The following COL11A1 variants were observed in gnomAD, a reference collection of about 807,000 sequenced individuals.
COL11A1 encodes collagen type XI alpha 1 chain.
A neutral mutation model predicts 265.2 loss-of-function variants in COL11A1; 74 were observed. That is an observed-to-expected ratio of 0.28 (90% CI 0.23 to 0.34). The LOEUF (loss-of-function observed/expected upper bound fraction) is 0.34, where lower values mean the gene tolerates loss of function less well. Ranked by LOEUF, COL11A1 falls within the 10% of genes least tolerant of loss-of-function variation. The pLI is 1.00. For synonymous variants in COL11A1, 816 were observed against 727.6 expected (o/e 1.12, Z -1.96); for missense variants, 2,165 against 2,263.6 (o/e 0.96, Z 0.88).
chr1:102,920,186 T>C (rs907657841), intron 49 of COL11A1, 125 bp downstream of exon 49: 5 of 920,446 alleles, frequency 5.4e-6, no homozygotes, highest in Non-Finnish European at 7.2e-6. Flanking sequence ...CTAGATGACA[T>C]GTGAATCATA....
intron 4 of COL11A1, among the ~76,000 whole-genome samples, chr1:103,043,681 G>A (rs1391946721): frequency 6.6e-6 from 1 of 152,104 alleles, no homozygotes; most frequent in South Asian, 2.1e-4. Context: ...AAACTGTAAA[G>A]TATATACAAA....
chr1:102,995,903 T>A lies in COL11A1; in HGVS notation c.2301A>T (p.Ala767=). Residue 767 remains alanine, a synonymous_variant, in exon 28 of 67, where the codon GCA becomes GCT. Coordinates refer to ENST00000370096, the MANE Select transcript of COL11A1 (RefSeq NM_001854.4). ...ATCCCTTGAGACCTCTGACACCATC[T>A]GCTCCCTGTGGAATAAATTAGAAGT... ...GYPGPRGVKG[A]DGVRGLKGSK... 6.2e-7 allele frequency: 1 copy of A among 1,612,002 alleles called. No individual in the cohort carries two copies.
chr1:103,046,126 A>G (rs1006374460), intron 4 of COL11A1, among the ~76,000 whole-genome samples: 18 of 151,630 alleles, frequency 1.2e-4, no homozygotes, highest in African/African-American at 3.2e-4. Flanking sequence ...TCCTTTAGGT[A>G]TACACCCACT....
intron 57 of COL11A1, 24 bp downstream of exon 57, chr1:102,898,101 A>T: frequency 6.6e-7 from 1 of 1,520,820 alleles, no homozygotes; most frequent in South Asian, 1.2e-5. Flanking sequence ...TCACTTTTTA[A>T]ATGACTGAAA....
chr1:103,079,509 T>C (rs961246926), intron 2 of COL11A1, among the ~76,000 whole-genome samples: 3 of 152,028 alleles, frequency 2.0e-5, no homozygotes, highest in Non-Finnish European at 4.4e-5. Flanking sequence ...ATATCTAGCA[T>C]ACAGTCTGAT....
chr1:102,944,997 G>T (rs1403587837), intron 42 of COL11A1, among the ~76,000 whole-genome samples: 2 of 152,052 alleles, frequency 1.3e-5, no homozygotes, highest in African/African-American at 4.8e-5. Flanking sequence ...ATCCACAGGT[G>T]GCATGGCCCA....
intron 4 of COL11A1, among the ~76,000 whole-genome samples, chr1:103,046,259 T>A (rs12048863): frequency 1.3e-4 from 6 of 44,510 alleles, no homozygotes; most frequent in South Asian, 1.5e-3. Context: ...TTCCTATTTC[T>A]CCACATCCTC....
At chr1:103,048,730 G>T (rs966490202) in intron 4 of COL11A1, among the ~76,000 whole-genome samples, 6 of 152,058 alleles carry the variant, frequency 3.9e-5, no homozygotes, top group African/African-American at 1.2e-4. Context: ...TCTCTTGTGG[G>T]CTTTTAGTGC....
At chr1:103,026,111 A>C in intron 6 of COL11A1, 105 bp downstream of exon 6, 2 of 1,189,220 alleles carry the variant, frequency 1.7e-6, no homozygotes, top group Non-Finnish European at 2.5e-6. Context: ...CAGAGAAATA[A>C]GATGAATGAA....
At chr1:103,045,403 T>G (rs539978084) in intron 4 of COL11A1, among the ~76,000 whole-genome samples, 38 of 152,178 alleles carry the variant, frequency 2.5e-4, no homozygotes, top group South Asian at 2.5e-3. Flanking sequence ...AAAGATCAAT[T>G]AAAGGCTCTT....
At chr1:102,946,410 G>A (rs1570819290) in intron 42 of COL11A1, among the ~76,000 whole-genome samples, 1 of 152,012 alleles carries the variant, frequency 6.6e-6, no homozygotes, top group Middle Eastern at 3.4e-3. Context: ...ACTCACTGGC[G>A]ATCGGAGCTC....
chr1:103,065,576 A>AC (rs57475656), intron 4 of COL11A1, among the ~76,000 whole-genome samples: 5,344 of 137,836 alleles, frequency 0.039, 347 homozygotes, highest in African/African-American at 0.16. Context: ...AAACAAACAA[A>AC]AAAAATAGCA....
chr1:102,983,524 T>C (rs2101710235), intron 31 of COL11A1, among the ~76,000 whole-genome samples: 1 of 152,114 alleles, frequency 6.6e-6, no homozygotes, highest in Admixed American at 6.6e-5. Flanking sequence ...ATTGGAGTCA[T>C]GAAGTCACAA....
At chr1:102,924,750 A>G (rs1295977838) in intron 46 of COL11A1, among the ~76,000 whole-genome samples, 2 of 152,318 alleles carry the variant, frequency 1.3e-5, no homozygotes, top group African/African-American at 4.8e-5. Flanking sequence ...AAAGAAATTC[A>G]GTTACATAAA....
At chr1:102,973,328 C>T (rs1570912761) in intron 36 of COL11A1, among the ~76,000 whole-genome samples, 1 of 152,000 alleles carries the variant, frequency 6.6e-6, no homozygotes, top group South Asian at 2.1e-4. Flanking sequence ...AATGCATGCA[C>T]GATCAATGGC....
At chr1:103,061,509 T>A (rs900158448) in intron 4 of COL11A1, among the ~76,000 whole-genome samples, 1 of 151,976 alleles carries the variant, frequency 6.6e-6, no homozygotes, top group Non-Finnish European at 1.5e-5. Flanking sequence ...AAAAGAAAAC[T>A]CTTAAAAATT....
At chr1:103,025,091 G>A (rs905990162) in intron 7 of COL11A1, among the ~76,000 whole-genome samples, 2 of 152,096 alleles carry the variant, frequency 1.3e-5, no homozygotes, top group Non-Finnish European at 2.9e-5. Flanking sequence ...TTCTCAAAAT[G>A]CTTGCTGTCA....
chr1:103,052,116 C>G (rs1669883602), intron 4 of COL11A1, among the ~76,000 whole-genome samples: 1 of 147,932 alleles, frequency 6.8e-6, no homozygotes, highest in Non-Finnish European at 1.5e-5. Context: ...AAAATAAGAC[C>G]CTTTTCTCCA....
intron 4 of COL11A1, among the ~76,000 whole-genome samples, chr1:103,046,807 T>C (rs1473169054): frequency 1.3e-5 from 2 of 151,432 alleles, no homozygotes; most frequent in Admixed American, 1.3e-4. Flanking sequence ...GGGATCCAGT[T>C]TCAGCTTTCT....
Sources: allele counts gnomAD v4.1 joint callset (sites outside exome capture counted in the v4.1 genomes callset), GRCh38; gene constraint gnomAD v4.1.1; transcripts MANE v1.5; gene names NCBI Gene and HGNC (gene_info 2026-07-23, HGNC 2026-07-21).